The following RELN variants were observed in gnomAD, a reference collection of about 807,000 sequenced individuals.
RELN encodes the protein reelin.
In RELN, 108 loss-of-function variants were observed where a neutral mutation model predicts 427.6. That is an observed-to-expected ratio of 0.25 (90% CI 0.22 to 0.30). The LOEUF is 0.30. Among genes scored for constraint, RELN ranks in the 10% least tolerant of loss-of-function variants. The pLI is 1.00. For missense variants in RELN, 3,715 were observed against 4,302.8 expected (o/e 0.86, Z 3.82); for synonymous variants, 1,524 against 1,513.4 (o/e 1.01, Z -0.16).
intron 2 of RELN, among the ~76,000 whole-genome samples, chr7:103,870,345 GT>G (rs1278821293): frequency 9.4e-5 from 14 of 148,204 alleles, no homozygotes; most frequent in Admixed American, 3.4e-4. Context: ...TCTGGTTTCG[GT>G]TTTTTTTTTC....
At chr7:103,936,099 C>T (rs1465120379) in intron 1 of RELN, among the ~76,000 whole-genome samples, 3 of 143,004 alleles carry the variant, frequency 2.1e-5, no homozygotes, top group Admixed American at 7.0e-5. Context: ...GCTTCAATGG[C>T]TTTTTTTTTT....
At chr7:103,798,218 G>A (rs1792357360) in intron 3 of RELN, among the ~76,000 whole-genome samples, 1 of 152,150 alleles carries the variant, frequency 6.6e-6, no homozygotes, top group Non-Finnish European at 1.5e-5. Flanking sequence ...TCTTCTGATA[G>A]CAATTTGAAA....
chr7:103,636,510 G>T, intron 17 of RELN, 42 bp from the exon 18 acceptor site: 1 of 1,324,100 alleles, frequency 7.6e-7, no homozygotes, highest in Non-Finnish European at 1.1e-6. Context: ...ACTGTTGGCT[G>T]TTTCGGAGAT....
chr7:103,620,110 G>A lies in RELN; in HGVS notation c.2703-8307C>T, dbSNP rs1832183482. Among the ~76,000 whole-genome samples, 1 of 152,138 alleles carries A rather than the reference G, an allele frequency of 6.6e-6. No individual in the cohort carries two copies. Among genetic ancestry groups the A allele is most frequent in the Admixed American group, 6.5e-5 (1 of 15,278 alleles). On this transcript the variant is annotated intron_variant, in intron 20 of 64. Transcript: ENST00000428762. This position sits in a 1 kb window ranked among gnomAD's most constrained non-coding sequence, Gnocchi z 4.1. ...CAGTGGGAGATAACTGAATGATGGGGATGGGTTCACCCATACTGTTCTCAT... is the reference window on the plus strand; with the variant it reads ...CAGTGGGAGATAACTGAATGATGGGAATGGGTTCACCCATACTGTTCTCAT...
intron 1 of RELN, among the ~76,000 whole-genome samples, chr7:103,935,376 T>A (rs1285132895): frequency 6.6e-6 from 1 of 152,130 alleles, no homozygotes; most frequent in Non-Finnish European, 1.5e-5. Flanking sequence ...CTTACTTGAC[T>A]CCTCTGTCCC....
At chr7:103,881,532 A>C (rs540445727) in intron 2 of RELN, among the ~76,000 whole-genome samples, 1 of 151,978 alleles carries the variant, frequency 6.6e-6, no homozygotes, top group African/African-American at 2.4e-5. Context: ...ACCTACTTCC[A>C]GTTCCCTGAA....
At chr7:103,770,192 C>A (rs541099806) in intron 4 of RELN, among the ~76,000 whole-genome samples, 1 of 152,266 alleles carries the variant, frequency 6.6e-6, no homozygotes, top group East Asian at 1.9e-4. Flanking sequence ...TCAAGCAATT[C>A]TCCTGCCTCA....
intron 45 of RELN, among the ~76,000 whole-genome samples, chr7:103,537,937 C>T (rs3025924): frequency 0.036 from 5,545 of 152,340 alleles, 133 homozygotes; most frequent in Non-Finnish European, 0.053. Flanking sequence ...TTGGTCATCT[C>T]TTGCTCCTTT....
At position 103,682,106 on chromosome 7, in the gene RELN, A is replaced by G. The variant is rs370762299; in HGVS notation, c.1289+10T>C. 1 of 1,613,194 alleles carries G rather than the reference A, an allele frequency of 6.2e-7. No homozygotes were observed. Among genetic ancestry groups the G allele is most frequent in the African/African-American group, 1.3e-5 (1 of 75,016 alleles). ...CTACATACACAGCATGGGAGATAGC[A>G]ATTACTTACCCTGTAGGCTGGCTCT... On this transcript the variant is annotated intron_variant, in intron 11 of 64. Coordinates refer to ENST00000428762, the MANE Select transcript of RELN (RefSeq NM_005045.4).
chr7:103,575,034 C>T (rs992604722), intron 29 of RELN, among the ~76,000 whole-genome samples: 5 of 152,086 alleles, frequency 3.3e-5, no homozygotes, highest in Non-Finnish European at 5.9e-5. Context: ...GTAGAGGGCT[C>T]ACAGAGGCCA....
chr7:103,691,773 A>C (rs1311871565), intron 10 of RELN, among the ~76,000 whole-genome samples: 2 of 152,192 alleles, frequency 1.3e-5, no homozygotes, highest in Non-Finnish European at 2.9e-5. Flanking sequence ...AGATCATGAC[A>C]CTGCACACTA....
chr7:103,520,957 A>T (rs181612680), intron 48 of RELN, among the ~76,000 whole-genome samples: 17,530 of 80,044 alleles, frequency 0.22, 1,904 homozygotes, highest in East Asian at 0.29. Context: ...TAAATTTGTT[A>T]TTTTTTTTTT....
At chr7:103,504,219 A>G (rs1829132993) in intron 51 of RELN, among the ~76,000 whole-genome samples, 1 of 152,148 alleles carries the variant, frequency 6.6e-6, no homozygotes, top group South Asian at 2.1e-4. Context: ...AAAAGGTCTT[A>G]TTTCACCTAA....
intron 61 of RELN, chr7:103,484,677 T>C (rs1466886075): frequency 6.6e-6 from 1 of 152,260 alleles, no homozygotes; most frequent in Non-Finnish European, 1.5e-5. Context: ...ATGTATCCTC[T>C]TTTCATGATG....
At chr7:103,983,633 G>T (rs1797037218) in intron 1 of RELN, among the ~76,000 whole-genome samples, 1 of 152,168 alleles carries the variant, frequency 6.6e-6, no homozygotes, top group African/African-American at 2.4e-5. Context: ...CTAAAATCAG[G>T]TAAAGAGGGT....
At chr7:103,532,701 T>C (rs1385342175) in intron 46 of RELN, among the ~76,000 whole-genome samples, 2 of 152,166 alleles carry the variant, frequency 1.3e-5, no homozygotes, top group African/African-American at 2.4e-5. Flanking sequence ...CTATCCTTGC[T>C]TGGAACACTC....
intron 53 of RELN, 105 bp downstream of exon 53, chr7:103,500,640 G>C: frequency 3.6e-6 from 4 of 1,124,242 alleles, no homozygotes; most frequent in Non-Finnish European, 5.2e-6. Flanking sequence ...TTCTTTCCTG[G>C]GGGACCCAAA....
At chr7:103,508,214 T>G (rs761569232) in intron 51 of RELN, among the ~76,000 whole-genome samples, 1 of 152,274 alleles carries the variant, frequency 6.6e-6, no homozygotes, top group Non-Finnish European at 1.5e-5. Context: ...TACCAAAACC[T>G]GGCAGAGACA....
At chr7:103,909,750 TATATTA>T (rs1327545221) in intron 2 of RELN, among the ~76,000 whole-genome samples, 4 of 93,334 alleles carry the variant, frequency 4.3e-5, no homozygotes, top group Admixed American at 1.7e-4. Context: ...TATAAATATA[TATATTA>T]AATATATATA....
Sources: gnomAD v4.1 joint callset for allele counts (sites outside exome capture counted in the v4.1 genomes callset) on GRCh38, gnomAD v4.1.1 for gene constraint, Gnocchi (gnomAD v3.1) non-coding constraint, MANE v1.5 for transcripts, NCBI Gene and HGNC (gene_info 2026-07-23, HGNC 2026-07-21) for gene names.